Variants in WWOX observed in about 807,000 individuals in gnomAD.
WWOX encodes WW domain-containing oxidoreductase.
In WWOX, 69 loss-of-function variants were observed where a neutral mutation model predicts 46.2. That is an observed-to-expected ratio of 1.49 (90% CI 1.23 to 1.82). The LOEUF (loss-of-function observed/expected upper bound fraction) is 1.82. Ranked by LOEUF, WWOX falls within the 40% of genes most tolerant of loss-of-function variation. WWOX has a pLI of 0.00. For missense variants in WWOX, 919 were observed against 542.6 expected (o/e 1.69, Z -6.89); for synonymous variants, 359 against 202.6 (o/e 1.77, Z -6.56).
At chr16:78,303,740 C>A (rs1306611610) in intron 5 of WWOX, among the ~76,000 whole-genome samples, 2 of 152,124 alleles carry the variant, frequency 1.3e-5, no homozygotes, top group African/African-American at 4.8e-5. Flanking sequence ...GACGGGATTT[C>A]TGCATGTTGG....
chr16:78,223,160 T>G (rs773250186), intron 5 of WWOX, among the ~76,000 whole-genome samples: 19 of 152,208 alleles, frequency 1.2e-4, no homozygotes, highest in Admixed American at 6.5e-5. Context: ...CCTTTCTCAC[T>G]GTGTACAGTG....
intron 5 of WWOX, among the ~76,000 whole-genome samples, chr16:78,190,856 G>A (rs922253162): frequency 1.3e-5 from 2 of 152,128 alleles, no homozygotes; most frequent in African/African-American, 4.8e-5. Flanking sequence ...CATGTCATGG[G>A]TTCGCTATAC....
chr16:78,926,368 C>T (rs955984019), intron 8 of WWOX, among the ~76,000 whole-genome samples: 1 of 26,610 alleles, frequency 3.8e-5, no homozygotes, highest in Non-Finnish European at 8.0e-5. Flanking sequence ...GAGACCCTAT[C>T]TCAAAAAAAA....
At chr16:78,141,429 TC>T in intron 4 of WWOX, among the ~76,000 whole-genome samples, 1 of 116,778 alleles carries the variant, frequency 8.6e-6, no homozygotes. Context: ...CCATCCCCCT[TC>T]TTTTTTTTTT....
chr16:78,946,277 A>C (rs2045946661), intron 8 of WWOX, among the ~76,000 whole-genome samples: 1 of 152,164 alleles, frequency 6.6e-6, no homozygotes, highest in Admixed American at 6.5e-5. Context: ...TGCAGCCTCC[A>C]ACTCCCGGCT....
At position 78,540,020 on chromosome 16, in the gene WWOX, T is replaced by TCACACACACA. The variant is rs71140810; in HGVS notation, c.1056+107287_1056+107296dup. 2.4e-3 allele frequency among the ~76,000 whole-genome samples: 320 copies of TCACACACACA among 132,912 alleles called. 1 individual carries two copies. Among genetic ancestry groups the TCACACACACA allele is most frequent in the African/African-American group, 7.8e-3 (258 of 33,266 alleles). The allele number at this position is 132,912 out of a possible 152,430, so 87.2% of individuals were successfully genotyped here. A position where few individuals can be genotyped will look rare whatever the true frequency, so the allele number is the denominator to read the frequency against. On this transcript the variant is annotated intron_variant, in intron 8 of 8. Transcript: ENST00000566780. ...CTTTCTCTCTCTCTCTCTCTCTCTC[T>TCACACACACA]CACACACACACACACACACACACAC...
chr16:78,803,826 A>G (rs1490731775), intron 8 of WWOX, among the ~76,000 whole-genome samples: 1 of 152,136 alleles, frequency 6.6e-6, no homozygotes, highest in Non-Finnish European at 1.5e-5. Context: ...GGAATTTTAA[A>G]AGAATTGAAC....
chr16:78,827,826 C>T (rs1233445982), intron 8 of WWOX, among the ~76,000 whole-genome samples: 2 of 152,076 alleles, frequency 1.3e-5, no homozygotes, highest in East Asian at 3.9e-4. Context: ...GGGCGGCAAG[C>T]AAGACACCAT....
intron 8 of WWOX, among the ~76,000 whole-genome samples, chr16:79,011,537 G>A (rs756461906): frequency 6.7e-6 from 1 of 149,892 alleles, no homozygotes; most frequent in Non-Finnish European, 1.5e-5. Flanking sequence ...TGTCCCCCAG[G>A]CTGGAGTGCA....
intron 8 of WWOX, among the ~76,000 whole-genome samples, chr16:78,761,182 A>G (rs2049784037): frequency 6.6e-6 from 1 of 152,202 alleles, no homozygotes; most frequent in African/African-American, 2.4e-5. Flanking sequence ...GAACTATTGC[A>G]TTTTCTTTTT....
In WWOX at chr16:79,028,608, A is replaced by G. The variant is rs542047053; in HGVS notation, c.1057-183000A>G. 8.6e-5 allele frequency among the ~76,000 whole-genome samples: 13 copies of G among 150,488 alleles called. No individual in the cohort carries two copies. The South Asian group carries it at 1.3e-3, about 15-fold the overall frequency. ...TCCAGCTTAACTAAAATTTTCTGAT[A>G]CTTTTTTCCTGAATTAGGGTATGTT... On this transcript the variant is annotated intron_variant, in intron 8 of 8. Coordinates refer to ENST00000566780, the MANE Select transcript of WWOX (RefSeq NM_016373.4).
intron 8 of WWOX, among the ~76,000 whole-genome samples, chr16:78,572,584 CAG>C (rs2044743767): frequency 2.0e-5 from 2 of 98,414 alleles, no homozygotes; most frequent in Non-Finnish European, 1.8e-5. Context: ...GCCTGGGCTA[CAG>C]AGTAAGACTC....
At chr16:78,927,740 G>T (rs888258205) in intron 8 of WWOX, among the ~76,000 whole-genome samples, 13 of 152,132 alleles carry the variant, frequency 8.5e-5, no homozygotes, top group Non-Finnish European at 1.5e-4. Flanking sequence ...TTTTGTTTCT[G>T]ATTTTTAGTT....
chr16:78,695,638 C>T (rs933321560), intron 8 of WWOX, among the ~76,000 whole-genome samples: 1 of 152,094 alleles, frequency 6.6e-6, no homozygotes, highest in Non-Finnish European at 1.5e-5. Flanking sequence ...CAGCCAAGGT[C>T]ACAGCTGGAA....
At chr16:78,635,822 C>G (rs374594186) in intron 8 of WWOX, among the ~76,000 whole-genome samples, 1 of 152,178 alleles carries the variant, frequency 6.6e-6, no homozygotes, top group African/African-American at 2.4e-5. Flanking sequence ...GTGCCCAAAT[C>G]TCAGAAGTTG....
chr16:78,700,312 C>CAG (rs55638553), intron 8 of WWOX, among the ~76,000 whole-genome samples: 8,755 of 130,140 alleles, frequency 0.067, 348 homozygotes, highest in Non-Finnish European at 0.08. Context: ...ACTTAGTAGA[C>CAG]AGAGAGAGAG....
chr16:78,626,446 T>G (rs1012299538), intron 8 of WWOX, among the ~76,000 whole-genome samples: 1 of 152,166 alleles, frequency 6.6e-6, no homozygotes, highest in Non-Finnish European at 1.5e-5. Flanking sequence ...TGTGTTGGGA[T>G]TTTTATGATG....
chr16:79,047,664 C>T (rs566074180), intron 8 of WWOX, among the ~76,000 whole-genome samples: 32 of 139,800 alleles, frequency 2.3e-4, no homozygotes, highest in African/African-American at 7.9e-4. Context: ...TCTCCTGAGA[C>T]TGTCCTGATT....
At chr16:78,380,872 A>G (rs1455154585) in intron 5 of WWOX, among the ~76,000 whole-genome samples, 2 of 152,244 alleles carry the variant, frequency 1.3e-5, no homozygotes, top group African/African-American at 2.4e-5. Context: ...AACAATGGTC[A>G]TCACATTTTA....
Sources: gnomAD v4.1 joint callset for allele counts (sites outside exome capture counted in the v4.1 genomes callset) on GRCh38, gnomAD v4.1.1 for gene constraint, MANE v1.5 for transcripts, NCBI Gene and HGNC (gene_info 2026-07-23, HGNC 2026-07-21) for gene names.